Variants in GLG1 observed in about 807,000 individuals in gnomAD.
The protein encoded by GLG1 is Golgi apparatus protein 1.
In GLG1, 38 loss-of-function variants were observed where a neutral mutation model predicts 160.5. That is an observed-to-expected ratio of 0.24 (90% confidence interval 0.18 to 0.31). The LOEUF (loss-of-function observed/expected upper bound fraction) is 0.31. Ranked by LOEUF, GLG1 falls within the 10% of genes least tolerant of loss-of-function variation. The pLI is 1.00. For synonymous variants in GLG1, 644 were observed against 543.4 expected, an observed-to-expected ratio of 1.19 and a Z score of -2.57; for missense variants, 1,373 against 1,505.2, an observed-to-expected ratio of 0.91 and a Z score of 1.45.
intron 5 of GLG1, among the ~76,000 whole-genome samples, chr16:74,495,988 G>C (rs1458164225): frequency 6.6e-6 from 1 of 152,140 alleles, no homozygotes; most frequent in Non-Finnish European, 1.5e-5. Context: ...AAATATTTAA[G>C]TCACAGTGGC....
intron 2 of GLG1, among the ~76,000 whole-genome samples, chr16:74,531,736 G>C (rs1468275137): frequency 6.6e-6 from 1 of 152,112 alleles, no homozygotes; most frequent in Non-Finnish European, 1.5e-5. Context: ...AATACTTTTT[G>C]CACAGAGTTG....
At chr16:74,517,764 C>G (rs543162377) in intron 2 of GLG1, among the ~76,000 whole-genome samples, 1 of 152,146 alleles carries the variant, frequency 6.6e-6, no homozygotes, top group Admixed American at 6.5e-5. Context: ...CAAATTGTCC[C>G]TCTTTGTAGA....
chr16:74,479,871 C>T (rs565081304), intron 11 of GLG1, among the ~76,000 whole-genome samples: 33 of 152,212 alleles, frequency 2.2e-4, no homozygotes, highest in Non-Finnish European at 4.9e-4. Flanking sequence ...TGTTCAGCTG[C>T]CAAGAGGAGA....
At chr16:74,595,801 T>G (rs912580776) in intron 1 of GLG1, among the ~76,000 whole-genome samples, 8 of 152,122 alleles carry the variant, frequency 5.3e-5, no homozygotes, top group African/African-American at 1.7e-4. Context: ...ACCCAATATA[T>G]CGAAATTTTT....
At chr16:74,507,984 A>C (rs1456568151) in intron 3 of GLG1, among the ~76,000 whole-genome samples, 3 of 152,106 alleles carry the variant, frequency 2.0e-5, no homozygotes, top group Non-Finnish European at 4.4e-5. Flanking sequence ...CGGAAGCCCC[A>C]AGGTAAATAT....
At position 74,570,764 on chromosome 16, in the gene GLG1, T is replaced by C. The variant is rs145776834; in HGVS notation, c.438+35893A>G. ...TCAGCCAGGTGTGGTGGCACACGCC[T>C]ACAGACACAGCCACTTGGAAGGCTG... On this transcript the variant is annotated intron_variant, in intron 1 of 25. Coordinates refer to ENST00000422840, the MANE Select transcript of GLG1 (RefSeq NM_001145667.2). Among the ~76,000 whole-genome samples, 1,186 of 152,226 alleles carry C rather than the reference T, an allele frequency of 7.8e-3. 17 individuals are homozygous for C. The highest frequency in any genetic ancestry group is 0.027 in the African/African-American group (1,111 of 41,540).
chr16:74,477,577 C>CA (rs1567468451), intron 11 of GLG1, 44 bp from the exon 12 acceptor site: 2 of 1,513,750 alleles, frequency 1.3e-6, no homozygotes, highest in Non-Finnish European at 1.8e-6. Context: ...GGTAACAAAA[C>CA]AAAAACACAA....
rs2014386887 is a variant in GLG1, at chr16:74,453,017, C to G, written c.*150G>C. ...AGGACACCATGGACACGAGTGGAGG[C>G]TGGATGGGACAACGCAGTGGACATC... On this transcript the variant is annotated 3_prime_UTR_variant, in exon 26 of 26. Transcript: ENST00000422840. 1 of 1,387,460 alleles carries G rather than the reference C, an allele frequency of 7.2e-7. No individual in the cohort carries two copies. The highest frequency in any genetic ancestry group is 1.5e-5 in the African/African-American group (1 of 68,654). 85.9% of individuals were successfully genotyped at this position (1,387,460 alleles called of 1,614,324 possible).
rs192267201 is a variant in GLG1, at chr16:74,592,198, A to C, written c.438+14459T>G. Among the ~76,000 whole-genome samples the C allele has an allele frequency of 2.6e-3, 389 of 152,278 alleles. 7 individuals are homozygous for C. Among genetic ancestry groups the C allele is most frequent in the Admixed American group, 0.021 (324 of 15,278 alleles). On this transcript the variant is annotated intron_variant, in intron 1 of 25. Transcript: ENST00000422840. ...TGCTCTGTCATCCAGGTTGGAGTGC[A>C]ATAGAGCGATCTTGGCTCACTGCAA...
intron 25 of GLG1, 80 bp downstream of exon 25, chr16:74,456,569 G>C: frequency 1.2e-6 from 1 of 859,986 alleles, no homozygotes; most frequent in Non-Finnish European, 2.0e-6. Context: ...CATGGCCTTT[G>C]CTCAAGGATG....
intron 5 of GLG1, 54 bp downstream of exon 5, chr16:74,496,387 T>C (rs2016187891): frequency 3.4e-6 from 4 of 1,188,780 alleles, no homozygotes; most frequent in Non-Finnish European, 4.9e-6. Flanking sequence ...TAAAACAAAA[T>C]TATATATGTG....
At chr16:74,575,941 C>T (rs1036173971) in intron 1 of GLG1, among the ~76,000 whole-genome samples, 9 of 152,076 alleles carry the variant, frequency 5.9e-5, no homozygotes, top group African/African-American at 2.2e-4. Context: ...TGGTTCACGC[C>T]AGTAATCCCA....
intron 22 of GLG1, 136 bp downstream of exon 22, chr16:74,461,958 C>T: frequency 1.7e-6 from 1 of 593,816 alleles, no homozygotes; most frequent in Non-Finnish European, 3.0e-6. Context: ...GGAATGCAGA[C>T]CATGGAGAGC....
chr16:74,575,006 CGGGGGGGGG>C (rs765772462), intron 1 of GLG1, among the ~76,000 whole-genome samples: 971 of 3,750 alleles, frequency 0.26, 386 homozygotes, highest in African/African-American at 0.46. Context: ...TTTGGGAGGC[CGGGGGGGGG>C]GGGGGGGCGG....
intron 1 of GLG1, among the ~76,000 whole-genome samples, chr16:74,561,046 G>A (rs2143738639): frequency 6.6e-6 from 1 of 152,378 alleles, no homozygotes; most frequent in African/African-American, 2.4e-5. Flanking sequence ...GTCCTGCACA[G>A]TCCTGCTTGG....
At chr16:74,463,249 A>T in intron 20 of GLG1, 107 bp downstream of exon 20, 3 of 1,132,414 alleles carry the variant, frequency 2.6e-6, no homozygotes, top group Non-Finnish European at 3.8e-6. Context: ...TCCTCCCTTA[A>T]AATTCCCAGG....
chr16:74,560,510 A>G (rs2018482504), intron 1 of GLG1, among the ~76,000 whole-genome samples: 1 of 150,792 alleles, frequency 6.6e-6, no homozygotes, highest in African/African-American at 2.4e-5. Flanking sequence ...AAGCCTAGCT[A>G]ATTTTTGTAT....
At chr16:74,557,848 G>A (rs1202170877) in intron 1 of GLG1, among the ~76,000 whole-genome samples, 1 of 151,798 alleles carries the variant, frequency 6.6e-6, no homozygotes, top group Non-Finnish European at 1.5e-5. Context: ...AGCTCCCAAA[G>A]TGCTGGGATT....
chr16:74,568,499 C>T (rs1450249530), intron 1 of GLG1, among the ~76,000 whole-genome samples: 1 of 150,808 alleles, frequency 6.6e-6, no homozygotes, highest in Non-Finnish European at 1.5e-5. Flanking sequence ...CTCACTGGAA[C>T]CTCCGCCTCC....
Sources: allele counts gnomAD v4.1 joint callset (sites outside exome capture counted in the v4.1 genomes callset), GRCh38; gene constraint gnomAD v4.1.1; transcripts MANE v1.5; gene names NCBI Gene and HGNC (gene_info 2026-07-23, HGNC 2026-07-21).